CRIM1: variants seen among roughly 807,000 people sequenced by gnomAD.
CRIM1 encodes cysteine-rich motor neuron 1 protein.
In CRIM1, 32 loss-of-function variants were observed where a neutral mutation model predicts 116.4. That is an observed-to-expected ratio of 0.27 (90% CI 0.21 to 0.37). CRIM1 has a LOEUF of 0.37. Among genes scored for constraint, CRIM1 ranks in the 10% least tolerant of loss-of-function variants. The probability of loss-of-function intolerance (pLI) is 1.00; values close to 1 mark genes in which losing one functional copy is unlikely to be tolerated. For missense variants in CRIM1, 1,331 were observed against 1,354.8 expected, an observed-to-expected ratio of 0.98 and a Z score of 0.28; for synonymous variants, 590 against 509.2, an observed-to-expected ratio of 1.16 and a Z score of -2.13.
At chr2:36,517,582 G>T in intron 12 of CRIM1, 40 bp downstream of exon 12, 1 of 1,582,226 alleles carries the variant, frequency 6.3e-7, no homozygotes, top group South Asian at 1.1e-5. Context: ...GGTGGGGAAG[G>T]ATGCAGCTCT....
intron 14 of CRIM1, among the ~76,000 whole-genome samples, chr2:36,538,201 C>T (rs186215778): frequency 1.8e-4 from 28 of 152,306 alleles, no homozygotes; most frequent in African/African-American, 6.7e-4. Context: ...AAACCTAAGT[C>T]CTTCTCAGCT....
chr2:36,401,967 C>G (rs3770930), intron 2 of CRIM1, among the ~76,000 whole-genome samples: 19,932 of 146,544 alleles, frequency 0.14, 1,628 homozygotes, highest in East Asian at 0.48. Context: ...GAGACACTTT[C>G]AGCTGTAGCA....
intron 1 of CRIM1, among the ~76,000 whole-genome samples, chr2:36,394,159 T>C (rs960203773): frequency 3.9e-5 from 6 of 152,206 alleles, no homozygotes; most frequent in Non-Finnish European, 7.3e-5. Flanking sequence ...TAACTGCACA[T>C]ATTTATAAGA....
chr2:36,510,923 CTTTTTTT>C (rs1013951561), intron 9 of CRIM1, among the ~76,000 whole-genome samples: 11 of 109,178 alleles, frequency 1.0e-4, no homozygotes, highest in African/African-American at 3.5e-4. Flanking sequence ...GATTCCTTTT[CTTTTTTT>C]TTTTTTTTTT....
At chr2:36,480,547 ACTTAT>A (rs1679329789) in intron 7 of CRIM1, among the ~76,000 whole-genome samples, 1 of 152,170 alleles carries the variant, frequency 6.6e-6, no homozygotes, top group South Asian at 2.1e-4. Flanking sequence ...TGAAAAATGG[ACTTAT>A]CTTTCCAGAA....
chr2:36,482,768 A>C (rs1020748250), intron 7 of CRIM1, among the ~76,000 whole-genome samples: 5 of 152,328 alleles, frequency 3.3e-5, no homozygotes, highest in Admixed American at 2.6e-4. Context: ...GTATGAAATT[A>C]GATGAAAGGA....
chr2:36,456,545 C>T (rs1677146621), intron 4 of CRIM1, among the ~76,000 whole-genome samples: 1 of 152,178 alleles, frequency 6.6e-6, no homozygotes, highest in African/African-American at 2.4e-5. Flanking sequence ...GTCTTACTCT[C>T]TAAAGCCATC....
chr2:36,365,127 T>A (rs1669503358), intron 1 of CRIM1, among the ~76,000 whole-genome samples: 1 of 152,156 alleles, frequency 6.6e-6, no homozygotes, highest in Non-Finnish European at 1.5e-5. Flanking sequence ...ATACAGGGTC[T>A]ATGCACCAAG....
At chr2:36,494,379 T>C (rs1680439621) in intron 7 of CRIM1, among the ~76,000 whole-genome samples, 1 of 152,198 alleles carries the variant, frequency 6.6e-6, no homozygotes, top group Non-Finnish European at 1.5e-5. Context: ...TCTGTTAGGC[T>C]TTTTAGGTTA....
chr2:36,417,145 T>C (rs1673681571), intron 2 of CRIM1, among the ~76,000 whole-genome samples: 1 of 152,210 alleles, frequency 6.6e-6, no homozygotes. Context: ...CTTATTCTTT[T>C]GTCTTTTTGT....
At chr2:36,480,097 A>G (rs561737922) in intron 7 of CRIM1, among the ~76,000 whole-genome samples, 141 of 152,302 alleles carry the variant, frequency 9.3e-4, no homozygotes, top group African/African-American at 3.3e-3. Context: ...ACTAGAAGAA[A>G]AGACTGGAAC....
chr2:36,462,944 G>T (rs1677698470), intron 4 of CRIM1, among the ~76,000 whole-genome samples: 1 of 152,204 alleles, frequency 6.6e-6, no homozygotes, highest in Admixed American at 6.5e-5. Context: ...GCTAGAAAAT[G>T]ATTGTCCTGC....
At chr2:36,395,999 G>A (rs192964614) in intron 1 of CRIM1, among the ~76,000 whole-genome samples, 11 of 152,210 alleles carry the variant, frequency 7.2e-5, no homozygotes, top group Admixed American at 2.6e-4. Flanking sequence ...GATCAACCTC[G>A]TGGGCTCAAG....
chr2:36,357,868 T>C (rs1296883137), intron 1 of CRIM1, among the ~76,000 whole-genome samples: 1 of 152,200 alleles, frequency 6.6e-6, no homozygotes, highest in East Asian at 1.9e-4. Context: ...TTGTTTAGTA[T>C]GCTGGGATAC....
At chr2:36,486,331 C>T (rs913413281) in intron 7 of CRIM1, among the ~76,000 whole-genome samples, 1 of 152,118 alleles carries the variant, frequency 6.6e-6, no homozygotes, top group African/African-American at 2.4e-5. Context: ...CTTACTTATA[C>T]CTAGGAGTTC....
At chr2:36,487,680 TG>T (rs1679930659) in intron 7 of CRIM1, among the ~76,000 whole-genome samples, 1 of 152,118 alleles carries the variant, frequency 6.6e-6, no homozygotes. Context: ...AAAGCAACTA[TG>T]AAGAGGTTTC....
At chr2:36,461,084 G>A (rs1314285359) in intron 4 of CRIM1, among the ~76,000 whole-genome samples, 1 of 152,250 alleles carries the variant, frequency 6.6e-6, no homozygotes, top group Non-Finnish European at 1.5e-5. Context: ...GCTAGGCTGA[G>A]AAAGTGATAC....
chr2:36,442,406 A>G (rs771643827), intron 3 of CRIM1, among the ~76,000 whole-genome samples: 2 of 152,142 alleles, frequency 1.3e-5, no homozygotes, highest in African/African-American at 4.8e-5. Context: ...TAGCTCTTAA[A>G]TATCTCATCC....
intron 14 of CRIM1, among the ~76,000 whole-genome samples, chr2:36,542,697 A>G (rs1667030357): frequency 6.6e-6 from 1 of 152,216 alleles, no homozygotes; most frequent in African/African-American, 2.4e-5. Context: ...GCCCTGGACT[A>G]GGCAGGGGAG....
Sources: allele counts gnomAD v4.1 joint callset (sites outside exome capture counted in the v4.1 genomes callset), GRCh38; gene constraint gnomAD v4.1.1; transcripts MANE v1.5; gene names NCBI Gene and HGNC (gene_info 2026-07-23, HGNC 2026-07-21).